Variants in FBXL20 observed in about 807,000 individuals in gnomAD.
FBXL20 encodes the protein F-box/LRR-repeat protein 20.
FBXL20 carries 11 observed loss-of-function variants against 64.0 expected under a neutral mutation model. The observed-to-expected ratio is 0.17, with a 90% CI of 0.11 to 0.28. The LOEUF is 0.28. Ranked by LOEUF, FBXL20 falls within the 10% of genes least tolerant of loss-of-function variation. The probability of loss-of-function intolerance (pLI) is 1.00; values close to 1 mark genes in which losing one functional copy is unlikely to be tolerated. For missense variants in FBXL20, 303 were observed against 526.2 expected (o/e 0.58, Z 4.15); for synonymous variants, 184 against 189.0 (o/e 0.97, Z 0.22).
intron 1 of FBXL20, among the ~76,000 whole-genome samples, chr17:39,362,172 A>C: frequency 6.6e-6 from 1 of 152,106 alleles, no homozygotes; most frequent in Non-Finnish European, 1.5e-5. Context: ...GGGCGCCTGC[A>C]GTCCCAGCTA....
rs376743108 is a variant in FBXL20, at chr17:39,401,050, G to A, written c.42+311C>T. On this transcript the variant is annotated intron_variant, in intron 1 of 14. Transcript: ENST00000264658. ...GAGCCGTGATGGCTGGGTGGAAGGA[G>A]GCAAGCCAAGGGTTGTGTAAAGAAT... Among the ~76,000 whole-genome samples, 3 of 152,354 alleles carry A rather than the reference G, an allele frequency of 2.0e-5. No individual in the cohort carries two copies. In the South Asian group the frequency reaches 6.2e-4, roughly 32 times the overall value.
chr17:39,297,393 G>T (rs1158588765), intron 5 of FBXL20, 198 bp from the exon 6 acceptor site: 2 of 372,134 alleles, frequency 5.4e-6, no homozygotes, highest in Non-Finnish European at 9.7e-6. Context: ...TTTCCTGAGT[G>T]ATAGTATCTT....
chr17:39,402,355 G>A (rs1401684716), upstream of FBXL20: 7 of 556,496 alleles, frequency 1.3e-5, no homozygotes, highest in Non-Finnish European at 1.6e-5. Context: ...GGGAGGCCTG[G>A]GGGGCCGGGG....
At chr17:39,280,078 C>CA (rs1304944233) in intron 9 of FBXL20, among the ~76,000 whole-genome samples, 6 of 151,676 alleles carry the variant, frequency 4.0e-5, no homozygotes, top group Non-Finnish European at 5.9e-5. Flanking sequence ...ACTAAAAATA[C>CA]AAAAAAATCA....
At chr17:39,310,513 C>T (rs932980782) in intron 2 of FBXL20, among the ~76,000 whole-genome samples, 2 of 152,054 alleles carry the variant, frequency 1.3e-5, no homozygotes, top group South Asian at 2.1e-4. Flanking sequence ...CTCCTGTCTA[C>T]GTGTTAGTCG....
chr17:39,353,611 T>TTTAC (rs2047709179), intron 1 of FBXL20, among the ~76,000 whole-genome samples: 1 of 149,608 alleles, frequency 6.7e-6, no homozygotes, highest in African/African-American at 2.5e-5. Flanking sequence ...TATTTATTTA[T>TTTAC]TTATTTATTT....
At chr17:39,371,327 C>G (rs1431667442) in intron 1 of FBXL20, among the ~76,000 whole-genome samples, 1 of 152,018 alleles carries the variant, frequency 6.6e-6, no homozygotes, top group Non-Finnish European at 1.5e-5. Context: ...TAGGCATGAG[C>G]CTGTTAATGC....
chr17:39,356,818 G>A (rs1426148330), intron 1 of FBXL20, among the ~76,000 whole-genome samples: 1 of 128,218 alleles, frequency 7.8e-6, no homozygotes, highest in African/African-American at 4.0e-5. Flanking sequence ...ACCACACCTG[G>A]CTAATTTTTT....
intron 2 of FBXL20, among the ~76,000 whole-genome samples, chr17:39,313,630 C>T (rs1289108185): frequency 6.6e-6 from 1 of 151,502 alleles, no homozygotes; most frequent in Non-Finnish European, 1.5e-5. Flanking sequence ...TCATAACAAA[C>T]ATTTATTTAT....
At chr17:39,324,749 T>C (rs534494643) in intron 2 of FBXL20, among the ~76,000 whole-genome samples, 3 of 152,186 alleles carry the variant, frequency 2.0e-5, no homozygotes, top group Non-Finnish European at 4.4e-5. Context: ...TGTATCAGGA[T>C]AGAAATGTGA....
intron 1 of FBXL20, among the ~76,000 whole-genome samples, chr17:39,390,001 T>C (rs1283623783): frequency 6.6e-6 from 1 of 152,176 alleles, no homozygotes; most frequent in African/African-American, 2.4e-5. Context: ...CAGATTTTCA[T>C]CTTAGGAGAC....
At chr17:39,326,014 T>C (rs1053921562) in intron 2 of FBXL20, among the ~76,000 whole-genome samples, 43 of 152,100 alleles carry the variant, frequency 2.8e-4, no homozygotes, top group Non-Finnish European at 5.6e-4. Flanking sequence ...TAATCATAAG[T>C]GAGTTCTCCT....
intron 6 of FBXL20, among the ~76,000 whole-genome samples, chr17:39,296,222 T>C (rs561918854): frequency 1.2e-4 from 19 of 152,186 alleles, no homozygotes; most frequent in Non-Finnish European, 2.2e-4. Flanking sequence ...GGTTAGTATA[T>C]TTCATCTCTC....
intron 6 of FBXL20, among the ~76,000 whole-genome samples, chr17:39,291,125 C>A (rs1176082639): frequency 5.3e-5 from 8 of 152,068 alleles, no homozygotes; most frequent in African/African-American, 1.7e-4. Flanking sequence ...CCACGCCCGG[C>A]TAACTTTTTG....
intron 6 of FBXL20, among the ~76,000 whole-genome samples, chr17:39,289,697 A>G (rs1194531081): frequency 6.6e-6 from 1 of 150,874 alleles, no homozygotes; most frequent in Non-Finnish European, 1.5e-5. Flanking sequence ...CTGAGTTTCT[A>G]AATCTATATG....
At chr17:39,392,497 T>C (rs570635086) in intron 1 of FBXL20, among the ~76,000 whole-genome samples, 1 of 151,022 alleles carries the variant, frequency 6.6e-6, no homozygotes, top group South Asian at 2.1e-4. Context: ...TTTCAATAAG[T>C]GCAATTCAGT....
rs867655825 is a variant in FBXL20 at position 39,312,740 on chromosome 17, A to T, written c.105-9101T>A. Reference sequence around the variant, plus strand: ...AGGCACCTGCCACCACGCCTGGCTAATTTTTTTTTTGTATTTTTAGTAGAG... The same window carrying T: ...AGGCACCTGCCACCACGCCTGGCTATTTTTTTTTTTGTATTTTTAGTAGAG... On this transcript the variant is annotated intron_variant, in intron 2 of 14. Transcript: ENST00000264658. Among the ~76,000 whole-genome samples, 1,123 of 140,296 alleles carry T rather than the reference A, an allele frequency of 8.0e-3. 16 individuals are homozygous for T. The highest frequency in any genetic ancestry group is 0.029 in the African/African-American group (1,083 of 37,764). The allele number at this position is 140,296 out of a possible 152,430, so 92.0% of individuals were successfully genotyped here.
intron 1 of FBXL20, among the ~76,000 whole-genome samples, chr17:39,366,036 A>G (rs931824178): frequency 2.0e-5 from 3 of 152,092 alleles, no homozygotes; most frequent in African/African-American, 7.2e-5. Flanking sequence ...CTATGTCTGA[A>G]GTAGACTGGC....
chr17:39,366,560 A>C (rs534860537), intron 1 of FBXL20, among the ~76,000 whole-genome samples: 1 of 152,300 alleles, frequency 6.6e-6, no homozygotes, highest in South Asian at 2.1e-4. Flanking sequence ...TTTATGAAAA[A>C]ACAGCTCATG....
Sources: allele counts gnomAD v4.1 joint callset (sites outside exome capture counted in the v4.1 genomes callset), GRCh38; gene constraint gnomAD v4.1.1; transcripts MANE v1.5; gene names NCBI Gene and HGNC (gene_info 2026-07-23, HGNC 2026-07-21).